SH3PXD2B: variants seen among roughly 807,000 people sequenced by gnomAD.
SH3PXD2B encodes the protein SH3 and PX domain-containing protein 2B.
A neutral mutation model predicts 73.1 loss-of-function variants in SH3PXD2B; 37 were observed. The ratio of observed to expected loss-of-function variants is 0.51; its 90% CI spans 0.39 to 0.67. The LOEUF (loss-of-function observed/expected upper bound fraction) is 0.67. Ranked by LOEUF, SH3PXD2B falls within the 30% of genes least tolerant of loss-of-function variation. SH3PXD2B has a pLI of 0.00. For missense variants in SH3PXD2B, 1,053 were observed against 1,197.8 expected (o/e 0.88, Z 1.78); for synonymous variants, 457 against 480.5 (o/e 0.95, Z 0.64).
chr5:172,353,869 G>A lies in SH3PXD2B; in HGVS notation c.785+19C>T, dbSNP rs375303917. 6 of 1,603,772 alleles carry A rather than the reference G, an allele frequency of 3.7e-6. No individual in the cohort carries two copies. The highest frequency in any genetic ancestry group is 3.3e-5 in the Admixed American group (2 of 59,988). Reference sequence around the variant, plus strand: ...GACCCCAAACCCACCCAGCAACCGTGGGGGGCAGCGGCTGGTACCTGATCT... The same window carrying A: ...GACCCCAAACCCACCCAGCAACCGTAGGGGGCAGCGGCTGGTACCTGATCT... On this transcript the variant is annotated intron_variant, in intron 9 of 12. Transcript: ENST00000311601. This position sits in a 1 kb window ranked among gnomAD's most constrained non-coding sequence, Gnocchi z 4.3.
In SH3PXD2B at chr5:172,336,169, C is replaced by T. The variant is rs562088331; in HGVS notation, c.*2200G>A. 8.1e-6 allele frequency: 8 copies of T among 985,948 alleles called. No individual in the cohort carries two copies. The South Asian group carries it at 1.4e-4, about 17-fold the overall frequency. 61.1% of individuals were successfully genotyped at this position (985,948 alleles called of 1,614,324 possible). ...TAGACACTCACAAAGTATCTGAAAG[C>T]GTCGCTGAAAGGCAAAGAGCAAATC... is the stretch of plus-strand genomic sequence containing the variant. On this transcript the variant is annotated 3_prime_UTR_variant, in exon 13 of 13. Coordinates refer to ENST00000311601, the MANE Select transcript of SH3PXD2B (RefSeq NM_001017995.3).
intron 4 of SH3PXD2B, among the ~76,000 whole-genome samples, chr5:172,390,161 T>G (rs1328078037): frequency 6.6e-6 from 1 of 152,246 alleles, no homozygotes; most frequent in Non-Finnish European, 1.5e-5. Context: ...TTTCCATCAC[T>G]TCAAAAATGT....
intron 5 of SH3PXD2B, among the ~76,000 whole-genome samples, chr5:172,375,713 T>A (rs1436833922): frequency 6.6e-6 from 1 of 152,256 alleles, no homozygotes; most frequent in Non-Finnish European, 1.5e-5. Flanking sequence ...TAAGTAATAC[T>A]CCATTGTCTG....
At chr5:172,422,104 C>T (rs1046975717) in intron 2 of SH3PXD2B, among the ~76,000 whole-genome samples, 21 of 151,966 alleles carry the variant, frequency 1.4e-4, no homozygotes, top group African/African-American at 5.1e-4. Flanking sequence ...AAGCAATTCT[C>T]CTGCCTCAGC....
At chr5:172,380,504 G>A (rs570703894) in intron 5 of SH3PXD2B, among the ~76,000 whole-genome samples, 2 of 152,340 alleles carry the variant, frequency 1.3e-5, no homozygotes, top group South Asian at 4.1e-4. Flanking sequence ...CAGGAGGACT[G>A]GAGACAAAGG....
chr5:172,331,994 T>A (rs1220617628), downstream of SH3PXD2B, among the ~76,000 whole-genome samples: 2 of 152,118 alleles, frequency 1.3e-5, no homozygotes, highest in East Asian at 3.9e-4. Flanking sequence ...ATGGCGAGTG[T>A]GACACTTCCA....
intron 2 of SH3PXD2B, among the ~76,000 whole-genome samples, chr5:172,418,928 C>G (rs571925920): frequency 1.3e-5 from 2 of 152,166 alleles, no homozygotes; most frequent in African/African-American, 4.8e-5. Flanking sequence ...CAGGAAGACC[C>G]GTGATCAAAC....
chr5:172,386,686 G>A (rs1007377382), intron 4 of SH3PXD2B, among the ~76,000 whole-genome samples: 5 of 152,202 alleles, frequency 3.3e-5, no homozygotes, highest in Admixed American at 6.5e-5. Context: ...GCTGTAGCAC[G>A]GGGTGGGATC....
chr5:172,347,080 G>A lies in SH3PXD2B; in HGVS notation c.1062+203C>T, dbSNP rs192999515. Among the ~76,000 whole-genome samples the A allele has an allele frequency of 4.2e-3, 641 of 152,256 alleles. 3 individuals are homozygous for A. Among genetic ancestry groups the A allele is most frequent in the African/African-American group, 0.014 (595 of 41,540 alleles). On this transcript the variant is annotated intron_variant, in intron 11 of 12. Transcript: ENST00000311601. ...ACTGTCACAGGAGCACTCTGGCCCC[G>A]CGGGCAAACTGTTTCACCTGCCTGC...
chr5:172,375,581 T>C (rs1425350559), intron 5 of SH3PXD2B, among the ~76,000 whole-genome samples: 2 of 152,204 alleles, frequency 1.3e-5, no homozygotes, highest in Non-Finnish European at 2.9e-5. Context: ...ATTCTGGATG[T>C]TTCATATAAA....
intron 8 of SH3PXD2B, among the ~76,000 whole-genome samples, chr5:172,355,871 C>T (rs1757260976): frequency 6.6e-6 from 1 of 152,094 alleles, no homozygotes; most frequent in South Asian, 2.1e-4. Flanking sequence ...CACCCGAGTC[C>T]CTCTCTGGCA....
intron 2 of SH3PXD2B, among the ~76,000 whole-genome samples, chr5:172,415,614 G>A (rs1425091888): frequency 6.6e-6 from 1 of 152,178 alleles, no homozygotes; most frequent in East Asian, 1.9e-4. Context: ...CATATAAGAT[G>A]GGCATCTGGC....
At chr5:172,357,142 G>A (rs1291043972) in intron 8 of SH3PXD2B, among the ~76,000 whole-genome samples, 4 of 116,890 alleles carry the variant, frequency 3.4e-5, no homozygotes, top group Non-Finnish European at 3.7e-5. Context: ...AAAAAAAAAA[G>A]GGCCAGGCGC....
chr5:172,328,182 A>C (rs1383062253), intron 12 of SH3PXD2B, among the ~76,000 whole-genome samples: 2 of 149,234 alleles, frequency 1.3e-5, no homozygotes, highest in Non-Finnish European at 3.0e-5. Context: ...GCTGGAGTAC[A>C]ATGGCGTGGT....
Position 172,333,818 on chromosome 5 carries a change from G to A in SH3PXD2B, c.*4551C>T, listed in dbSNP as rs1035674162. The A allele has an allele frequency of 3.1e-6, 4 of 1,288,298 alleles. No homozygotes were observed. Among genetic ancestry groups the A allele is most frequent in the East Asian group, 5.6e-5 (1 of 17,992 alleles). 79.8% of individuals were successfully genotyped at this position (1,288,298 alleles called of 1,614,324 possible). On this transcript the variant is annotated 3_prime_UTR_variant, in exon 13 of 13. Coordinates refer to ENST00000311601, the MANE Select transcript of SH3PXD2B (RefSeq NM_001017995.3). ...TGTTACTTGGAAGCTCCCCAAAGCA[G>A]GAAATGTGGGTTGTAATCAAGGTGG...
chr5:172,446,084 G>A (rs1458443101), intron 1 of SH3PXD2B, among the ~76,000 whole-genome samples: 1 of 152,152 alleles, frequency 6.6e-6, no homozygotes, highest in Non-Finnish European at 1.5e-5. Context: ...GCTCCACCCA[G>A]GGGCCAGCTG....
chr5:172,367,779 T>A (rs1757562123), intron 6 of SH3PXD2B, among the ~76,000 whole-genome samples: 1 of 152,122 alleles, frequency 6.6e-6, no homozygotes, highest in Non-Finnish European at 1.5e-5. Context: ...TGGCTCTGCA[T>A]CACCCTTTCC....
intron 6 of SH3PXD2B, among the ~76,000 whole-genome samples, chr5:172,372,369 A>T (rs1757725455): frequency 6.6e-6 from 1 of 152,002 alleles, no homozygotes; most frequent in Non-Finnish European, 1.5e-5. Flanking sequence ...CCATATAAAA[A>T]CTGCTTGCTC....
intron 3 of SH3PXD2B, 117 bp downstream of exon 3, chr5:172,406,159 TG>T: frequency 1.7e-6 from 2 of 1,155,862 alleles, no homozygotes; most frequent in Non-Finnish European, 1.3e-6. Context: ...GCTGAGATTC[TG>T]GTCAGTGGGA....
Sources: gnomAD v4.1 joint callset for allele counts (sites outside exome capture counted in the v4.1 genomes callset) on GRCh38, gnomAD v4.1.1 for gene constraint, Gnocchi (gnomAD v3.1) non-coding constraint, MANE v1.5 for transcripts, NCBI Gene and HGNC (gene_info 2026-07-23, HGNC 2026-07-21) for gene names.